Variants in TRPM1 observed in about 807,000 individuals in gnomAD.
TRPM1 encodes the protein TRPM1-203 APA Isoform, Intron 10.
TRPM1 carries 113 observed loss-of-function variants against 149.4 expected under a neutral mutation model. That is an observed-to-expected ratio of 0.76 (90% CI 0.65 to 0.88). TRPM1 has a LOEUF of 0.88. Among genes scored for constraint, TRPM1 ranks in the 40% least tolerant of loss-of-function variants. The pLI, the probability that TRPM1 is intolerant of heterozygous loss-of-function variation, is 0.00. For missense variants in TRPM1, 1,976 were observed against 2,038.7 expected (o/e 0.97, Z 0.59); for synonymous variants, 741 against 759.5 (o/e 0.98, Z 0.40).
chr15:31,066,914 T>C (rs914417933), intron 6 of TRPM1, 149 bp downstream of exon 6: 7 of 1,031,482 alleles, frequency 6.8e-6, no homozygotes, highest in South Asian at 1.4e-5. Context: ...TCTTGCATTA[T>C]GGTTTTGCAA....
rs371017742 is a variant in TRPM1 at position 31,076,907 on chromosome 15, G to A, written c.81C>T (p.Asn27=). ...CTTAATCGTGGATTTCAATTTACCT[G>A]TTAGAGTCTTTCATGCTAGGAATTA... ...IFVIPSMKDS[N]RCCCGQFTNQ... is the part of the protein sequence containing the mutation. The change falls in exon 3 of 28, where the codon AAC becomes AAT. Residue 27 remains asparagine (N), a splice_region_variant and synonymous_variant. Transcript: ENST00000256552. 1.9e-6 allele frequency: 3 copies of A among 1,599,746 alleles called. No individual in the cohort carries two copies. The highest frequency in any genetic ancestry group is 1.1e-5 in the South Asian group (1 of 90,774).
Position 31,076,921 on chromosome 15 carries a change from T to A in TRPM1, c.67A>T (p.Met23Leu), listed in dbSNP as rs1206190541. ...TCAATTTACCTGTTAGAGTCTTTCATGCTAGGAATTACAAAGATACATTCC... is the reference window on the plus strand; with the variant it reads ...TCAATTTACCTGTTAGAGTCTTTCAAGCTAGGAATTACAAAGATACATTCC... ...KRECIFVIPS[M>L]KDSNRCCCGQ... The change falls in exon 3 of 28, where the codon ATG becomes TTG. Residue 23 changes from methionine to leucine, a missense_variant. Transcript: ENST00000256552. 9 of 1,610,082 alleles carry A rather than the reference T, an allele frequency of 5.6e-6. No homozygotes were observed. The Admixed American group carries it at 1.5e-4, about 27-fold the overall frequency.
intron 20 of TRPM1, 89 bp downstream of exon 20, chr15:31,037,622 T>C: frequency 6.4e-7 from 1 of 1,570,344 alleles, no homozygotes; most frequent in Non-Finnish European, 8.8e-7. Context: ...TTTTAGATAC[T>C]TTTTTAAGCC....
chr15:31,093,477 C>T (rs1323119985), intron 1 of TRPM1, among the ~76,000 whole-genome samples: 1 of 151,950 alleles, frequency 6.6e-6, no homozygotes, highest in East Asian at 1.9e-4. Context: ...AGGTGAAGGC[C>T]TTGTACACTG....
At chr15:31,026,110 C>G in intron 27 of TRPM1, 29 bp downstream of exon 27, 1 of 1,608,228 alleles carries the variant, frequency 6.2e-7, no homozygotes, top group Non-Finnish European at 8.5e-7. Context: ...CCTTGGCTCA[C>G]GGGCCCGCGG....
chr15:31,076,058 A>T (rs533082538), intron 3 of TRPM1, among the ~76,000 whole-genome samples: 3 of 152,166 alleles, frequency 2.0e-5, no homozygotes, highest in Non-Finnish European at 2.9e-5. Flanking sequence ...ATAAGAAGGG[A>T]CATGTAGATG....
At chr15:31,006,624 A>G (rs964673746) in intron 27 of TRPM1, among the ~76,000 whole-genome samples, 3 of 152,236 alleles carry the variant, frequency 2.0e-5, no homozygotes, top group African/African-American at 7.2e-5. Context: ...TAGGATAAAT[A>G]CCTAGGAGTT....
At chr15:31,025,559 C>A (rs2032695219) in intron 27 of TRPM1, among the ~76,000 whole-genome samples, 1 of 152,164 alleles carries the variant, frequency 6.6e-6, no homozygotes, top group Non-Finnish European at 1.5e-5. Flanking sequence ...CTGGGTACTG[C>A]GGATGTGAAG....
chr15:31,112,522 G>A (rs1020380949), intron 1 of TRPM1, among the ~76,000 whole-genome samples: 2 of 152,144 alleles, frequency 1.3e-5, no homozygotes, highest in Admixed American at 6.5e-5. Context: ...CCCAGTCCTG[G>A]GAAACTTTGC....
At chr15:31,126,689 C>G (rs1036868153) in intron 1 of TRPM1, among the ~76,000 whole-genome samples, 1 of 152,052 alleles carries the variant, frequency 6.6e-6, no homozygotes, top group Non-Finnish European at 1.5e-5. Context: ...GCCGGCCAGG[C>G]GCAGTGGCTC....
At chr15:31,046,526 T>TCC (rs1199947973) in intron 15 of TRPM1, among the ~76,000 whole-genome samples, 2 of 151,956 alleles carry the variant, frequency 1.3e-5, no homozygotes, top group African/African-American at 2.4e-5. Flanking sequence ...AAGGTGGGTG[T>TCC]GAGAGGAGGG....
intron 1 of TRPM1, among the ~76,000 whole-genome samples, chr15:31,151,207 G>A (rs1355448321): frequency 2.0e-5 from 3 of 152,170 alleles, no homozygotes; most frequent in South Asian, 2.1e-4. Flanking sequence ...GAGAGACTGC[G>A]ACATTGTGGT....
chr15:31,048,719 G>A (rs976561193), intron 13 of TRPM1, among the ~76,000 whole-genome samples: 20 of 152,062 alleles, frequency 1.3e-4, no homozygotes, highest in Admixed American at 9.2e-4. Flanking sequence ...GGCTGGGATC[G>A]GAGGATGGCT....
chr15:31,137,786 G>A lies in TRPM1; in HGVS notation c.54+23120C>T, dbSNP rs116294889. 7.8e-3 allele frequency among the ~76,000 whole-genome samples: 1,183 copies of A among 152,158 alleles called. 14 individuals carry two copies. Among genetic ancestry groups the A allele is most frequent in the African/African-American group, 0.027 (1,126 of 41,512 alleles). On this transcript the variant is annotated intron_variant, in intron 1 of 26. Coordinates refer to the TRPM1 transcript ENST00000542188. ...ATTCTCAGAAGAAAACAGTTAAGCAGTTTTCTTATAAGAGAAAACCACCCC... is the reference window on the plus strand; with the variant it reads ...ATTCTCAGAAGAAAACAGTTAAGCAATTTTCTTATAAGAGAAAACCACCCC...
At chr15:31,055,468 A>G (rs991778760) in intron 11 of TRPM1, among the ~76,000 whole-genome samples, 2 of 152,202 alleles carry the variant, frequency 1.3e-5, no homozygotes, top group Non-Finnish European at 2.9e-5. Context: ...CAGATTTTCC[A>G]AGATACAAAG....
At chr15:31,091,334 C>G (rs2035231980) in intron 1 of TRPM1, among the ~76,000 whole-genome samples, 1 of 152,220 alleles carries the variant, frequency 6.6e-6, no homozygotes. Flanking sequence ...AAGTATTTGC[C>G]CACTCTGCCC....
At chr15:31,159,590 C>G (rs1289034711) in intron 1 of TRPM1, among the ~76,000 whole-genome samples, 1 of 152,236 alleles carries the variant, frequency 6.6e-6, no homozygotes, top group African/African-American at 2.4e-5. Context: ...CTGTCCCCCA[C>G]TGAGCCCCAA....
intron 22 of TRPM1, among the ~76,000 whole-genome samples, 200 bp downstream of exon 22, chr15:31,032,489 C>T (rs537250439): frequency 6.7e-6 from 1 of 148,224 alleles, no homozygotes; most frequent in African/African-American, 2.7e-5. Context: ...AGGCCCTCAA[C>T]TCATGTTTTT....
At chr15:31,044,663 C>T (rs933260161) in intron 16 of TRPM1, among the ~76,000 whole-genome samples, 1 of 151,814 alleles carries the variant, frequency 6.6e-6, no homozygotes, top group Non-Finnish European at 1.5e-5. Context: ...CACCTGCAGT[C>T]CCAGCTACTT....
Sources: allele counts gnomAD v4.1 joint callset (sites outside exome capture counted in the v4.1 genomes callset), GRCh38; gene constraint gnomAD v4.1.1; transcripts MANE v1.5; gene names NCBI Gene and HGNC (gene_info 2026-07-23, HGNC 2026-07-21).